Variants in SGCD observed in about 807,000 individuals in gnomAD.
SGCD encodes the protein delta-sarcoglycan.
SGCD carries 18 observed loss-of-function variants against 36.6 expected under a neutral mutation model. The ratio of observed to expected loss-of-function variants is 0.49; its 90% CI spans 0.34 to 0.73. SGCD has a LOEUF of 0.73. SGCD is among the 30% of genes least tolerant of loss of function. SGCD has a pLI of 0.01. For missense variants in SGCD, 387 were observed against 346.7 expected (o/e 1.12, Z -0.92); for synonymous variants, 133 against 130.6 (o/e 1.02, Z -0.12).
intron 3 of SGCD, among the ~76,000 whole-genome samples, chr5:156,139,667 C>A (rs1482165644): frequency 6.6e-6 from 1 of 152,106 alleles, no homozygotes; most frequent in Non-Finnish European, 1.5e-5. Flanking sequence ...TATTCTTATT[C>A]CTCTATGTCC....
At chr5:156,307,915 TGTG>T (rs1361567146) in intron 3 of SGCD, among the ~76,000 whole-genome samples, 1 of 151,818 alleles carries the variant, frequency 6.6e-6, no homozygotes, top group East Asian at 1.9e-4. Flanking sequence ...TATATAAAAA[TGTG>T]GAGTGAAAAA....
chr5:155,856,478 C>T, the SGCD span, among the ~76,000 whole-genome samples: 1 of 152,138 alleles, frequency 6.6e-6, no homozygotes, highest in African/African-American at 2.4e-5. Flanking sequence ...CCTCTAAGTA[C>T]ATGCTGCCTA....
chr5:156,539,750 A>T (rs1480750237), intron 4 of SGCD, among the ~76,000 whole-genome samples: 1 of 152,004 alleles, frequency 6.6e-6, no homozygotes, highest in Non-Finnish European at 1.5e-5. Context: ...TCATATAATG[A>T]TTTCTTTTCC....
chr5:155,862,335 C>T, the SGCD span, among the ~76,000 whole-genome samples: 1 of 151,900 alleles, frequency 6.6e-6, no homozygotes, highest in African/African-American at 2.4e-5. Context: ...GATTTCGGTA[C>T]TAAAAAAGGA....
intron 1 of SGCD, among the ~76,000 whole-genome samples, chr5:155,986,727 T>TC (rs961207493): frequency 6.6e-6 from 1 of 152,184 alleles, no homozygotes; most frequent in Non-Finnish European, 1.5e-5. Context: ...GCCCTTTTTT[T>TC]CTCAGACCTT....
intron 3 of SGCD, among the ~76,000 whole-genome samples, chr5:156,431,303 T>C (rs1332232864): frequency 6.6e-6 from 1 of 152,182 alleles, no homozygotes; most frequent in African/African-American, 2.4e-5. Flanking sequence ...GTCTTTTTTC[T>C]TTTTCTTAAG....
chr5:156,418,417 C>T (rs537822841), intron 3 of SGCD, among the ~76,000 whole-genome samples: 2 of 152,254 alleles, frequency 1.3e-5, no homozygotes, highest in Non-Finnish European at 2.9e-5. Flanking sequence ...AGCCACAGAG[C>T]AGGAAGTATT....
At chr5:155,820,496 C>T in the SGCD span, among the ~76,000 whole-genome samples, 1 of 151,704 alleles carries the variant, frequency 6.6e-6, no homozygotes, top group African/African-American at 2.4e-5. Context: ...CCTGTGTCTA[C>T]TAAAAATAAA....
chr5:156,365,171 A>T (rs76892286), intron 3 of SGCD, among the ~76,000 whole-genome samples: 2 of 152,352 alleles, frequency 1.3e-5, no homozygotes, highest in South Asian at 4.1e-4. Context: ...GCTAGAAATC[A>T]TAGTCATTAG....
intron 7 of SGCD, among the ~76,000 whole-genome samples, chr5:156,720,176 G>A (rs1017079080): frequency 7.9e-5 from 12 of 152,168 alleles, no homozygotes; most frequent in Admixed American, 5.2e-4. Context: ...AACAGTCACC[G>A]AGCATCAATT....
the SGCD span, among the ~76,000 whole-genome samples, chr5:155,841,010 C>CAAAAAAAAAA: frequency 3.3e-5 from 2 of 61,078 alleles, no homozygotes; most frequent in African/African-American, 1.5e-4. Flanking sequence ...GACTCCATCT[C>CAAAAAAAAAA]AAAAAAAAAA....
intron 3 of SGCD, among the ~76,000 whole-genome samples, chr5:156,503,193 T>C (rs368802310): frequency 6.6e-6 from 1 of 152,208 alleles, no homozygotes; most frequent in African/African-American, 2.4e-5. Context: ...CTGTTTTTAT[T>C]TGGCTGGGTA....
chr5:156,116,002 A>G (rs945262385), intron 1 of SGCD, among the ~76,000 whole-genome samples: 3 of 152,150 alleles, frequency 2.0e-5, no homozygotes, highest in African/African-American at 7.2e-5. Context: ...GCAGTCATTG[A>G]TAATTATTGC....
intron 3 of SGCD, among the ~76,000 whole-genome samples, chr5:156,125,695 T>C (rs547111342): frequency 6.6e-6 from 1 of 152,016 alleles, no homozygotes; most frequent in African/African-American, 2.4e-5. Flanking sequence ...TTCATTAACA[T>C]GGTTTCAAGG....
chr5:156,729,666 T>C (rs899483821), intron 7 of SGCD, among the ~76,000 whole-genome samples: 1 of 152,230 alleles, frequency 6.6e-6, no homozygotes, highest in Non-Finnish European at 1.5e-5. Flanking sequence ...TTTATTTAAA[T>C]TACATTATAA....
At chr5:156,113,691 A>G (rs1761844305) in intron 1 of SGCD, among the ~76,000 whole-genome samples, 1 of 152,188 alleles carries the variant, frequency 6.6e-6, no homozygotes. Context: ...ACTTATGTCC[A>G]CATAGAAAAC....
intron 7 of SGCD, among the ~76,000 whole-genome samples, chr5:156,672,485 T>G (rs1753337996): frequency 6.6e-6 from 1 of 152,156 alleles, no homozygotes; most frequent in African/African-American, 2.4e-5. Flanking sequence ...TAGCTCTGAT[T>G]CCTGGGCCTG....
chr5:155,775,518 A>G, the SGCD span, among the ~76,000 whole-genome samples: 6,785 of 152,112 alleles, frequency 0.045, 325 homozygotes, highest in African/African-American at 0.12. Context: ...TTCCAACTCT[A>G]TTATGCTCCT....
chr5:156,643,656 G>C (rs1238755697), intron 6 of SGCD, among the ~76,000 whole-genome samples: 1 of 152,000 alleles, frequency 6.6e-6, no homozygotes, highest in Non-Finnish European at 1.5e-5. Context: ...CCGAAAATCA[G>C]GTTTTTGGTT....
Sources: gnomAD v4.1 joint callset for allele counts (sites outside exome capture counted in the v4.1 genomes callset) on GRCh38, gnomAD v4.1.1 for gene constraint, MANE v1.5 for transcripts, NCBI Gene and HGNC (gene_info 2026-07-23, HGNC 2026-07-21) for gene names.